Variants in ROBO2 observed in about 807,000 individuals in gnomAD.
ROBO2 encodes the protein roundabout guidance receptor 2, also known as roundabout homolog 2.
Under a neutral mutation model 160.8 loss-of-function variants are expected in ROBO2, and 53 were observed. The observed-to-expected ratio is 0.33, with a 90% confidence interval of 0.26 to 0.41. The LOEUF (loss-of-function observed/expected upper bound fraction) is 0.41. ROBO2 is among the 10% of genes least tolerant of loss of function. The pLI is 1.00. For synonymous variants in ROBO2, 664 were observed against 611.7 expected (o/e 1.09, Z -1.26); for missense variants, 1,577 against 1,722.4 (o/e 0.92, Z 1.49).
chr3:77,628,562 A>G (rs1243238569), intron 23 of ROBO2, among the ~76,000 whole-genome samples: 1 of 152,038 alleles, frequency 6.6e-6, no homozygotes, highest in African/African-American at 2.4e-5. Context: ...TGTTCAATAC[A>G]TTTTAGCCAT....
chr3:76,366,129 T>C (rs2075799663), intron 2 of ROBO2, among the ~76,000 whole-genome samples: 1 of 152,010 alleles, frequency 6.6e-6, no homozygotes, highest in African/African-American at 2.4e-5. Context: ...ACTATTTCCT[T>C]AGTAGAGAAT....
At chr3:76,564,223 G>C (rs1480892233) in intron 2 of ROBO2, among the ~76,000 whole-genome samples, 2 of 152,178 alleles carry the variant, frequency 1.3e-5, no homozygotes, top group African/African-American at 2.4e-5. Context: ...AAAATGAATA[G>C]AAGTGTGCTG....
At chr3:75,995,730 C>T (rs961659595) in intron 2 of ROBO2, among the ~76,000 whole-genome samples, 11 of 152,088 alleles carry the variant, frequency 7.2e-5, no homozygotes, top group African/African-American at 1.9e-4. Context: ...AGCCAGCCCA[C>T]AAAAGCAGTT....
intron 2 of ROBO2, among the ~76,000 whole-genome samples, chr3:76,334,161 C>G (rs6799570): frequency 0.75 from 113,194 of 151,724 alleles, 44,185 homozygotes; most frequent in Non-Finnish European, 0.87. Context: ...TATATATATA[C>G]ATATAAAAGA....
chr3:76,392,914 T>A (rs1325466630), intron 2 of ROBO2, among the ~76,000 whole-genome samples: 1 of 152,176 alleles, frequency 6.6e-6, no homozygotes, highest in East Asian at 1.9e-4. Flanking sequence ...CTAAACTGTC[T>A]AGAATAATTA....
intron 2 of ROBO2, among the ~76,000 whole-genome samples, chr3:76,470,387 G>T (rs1052134364): frequency 6.6e-6 from 1 of 152,074 alleles, no homozygotes; most frequent in Admixed American, 6.6e-5. Context: ...TCCTTTACAG[G>T]GTTGCAGTTA....
In ROBO2 at chr3:77,114,857, C is replaced by T. The variant is rs1579099436; in HGVS notation, c.388+16517C>T. 2.6e-5 allele frequency among the ~76,000 whole-genome samples: 4 copies of T among 152,160 alleles called. No individual in the cohort carries two copies. The South Asian group carries it at 8.3e-4, about 32-fold the overall frequency. ...AGGTGAAATGTATTTTATCTATTTA[C>T]CAAAACATTTTCACCCAAATAGCAT... is the stretch of plus-strand genomic sequence containing the variant. On this transcript the variant is annotated intron_variant, in intron 2 of 25. Coordinates refer to ENST00000461745, the Ensembl canonical transcript of ROBO2.
intron 2 of ROBO2, among the ~76,000 whole-genome samples, chr3:76,305,387 CAAAAAAAAAAAAAA>C (rs1166858558): frequency 2.6e-3 from 54 of 20,674 alleles, no homozygotes; most frequent in Admixed American, 3.2e-3. Context: ...CAAGATCTGT[CAAAAAAAAAAAAAA>C]AAAAAAAAAA....
intron 2 of ROBO2, among the ~76,000 whole-genome samples, chr3:77,103,052 A>G (rs2072228033): frequency 6.6e-6 from 1 of 152,046 alleles, no homozygotes; most frequent in South Asian, 2.1e-4. Flanking sequence ...GGTGCAGATA[A>G]AGTTTCCGTT....
At chr3:76,211,888 G>A (rs1703169648) in intron 2 of ROBO2, among the ~76,000 whole-genome samples, 1 of 151,758 alleles carries the variant, frequency 6.6e-6, no homozygotes, top group Non-Finnish European at 1.5e-5. Context: ...ATTTTGTCTG[G>A]TTAATAAAAG....
At chr3:76,779,807 C>T (rs1312122786) in intron 2 of ROBO2, among the ~76,000 whole-genome samples, 3 of 150,898 alleles carry the variant, frequency 2.0e-5, no homozygotes, top group Admixed American at 2.0e-4. Context: ...TATCAATGGA[C>T]ATTTAGTTTG....
intron 1 of ROBO2, among the ~76,000 whole-genome samples, chr3:75,914,540 T>G (rs1946728240): frequency 6.6e-6 from 1 of 152,156 alleles, no homozygotes; most frequent in South Asian, 2.1e-4. Flanking sequence ...AAAGTATAAT[T>G]TTTCTGGAGA....
intron 2 of ROBO2, among the ~76,000 whole-genome samples, chr3:76,263,751 T>C (rs71195258): frequency 0.025 from 3,819 of 152,288 alleles, 69 homozygotes; most frequent in Non-Finnish European, 0.037. Context: ...ATCATTCTAC[T>C]GTAAAGATAC....
At chr3:77,200,928 C>CAGTA (rs574721242) in intron 2 of ROBO2, among the ~76,000 whole-genome samples, 22 of 152,200 alleles carry the variant, frequency 1.4e-4, no homozygotes, top group South Asian at 6.3e-4. Context: ...CATAAGTACA[C>CAGTA]AGTAGCACAA....
At chr3:77,266,896 C>T (rs532688471) in intron 2 of ROBO2, among the ~76,000 whole-genome samples, 14 of 152,072 alleles carry the variant, frequency 9.2e-5, no homozygotes, top group Non-Finnish European at 8.8e-5. Flanking sequence ...CCAAAATATT[C>T]GATTTTGTGA....
At chr3:77,381,706 G>T (rs2073491374) in intron 2 of ROBO2, among the ~76,000 whole-genome samples, 1 of 152,090 alleles carries the variant, frequency 6.6e-6, no homozygotes, top group African/African-American at 2.4e-5. Context: ...TTCAGGCAAG[G>T]GTACTTGTGA....
At chr3:76,956,426 G>T (rs551623858) in intron 2 of ROBO2, among the ~76,000 whole-genome samples, 1 of 151,856 alleles carries the variant, frequency 6.6e-6, no homozygotes, top group Non-Finnish European at 1.5e-5. Context: ...GTGTGGTGGC[G>T]GACACCTGTA....
chr3:77,490,326 G>A (rs1251656446), intron 4 of ROBO2, among the ~76,000 whole-genome samples: 2 of 151,916 alleles, frequency 1.3e-5, no homozygotes, highest in Non-Finnish European at 2.9e-5. Context: ...TCCTGACCTC[G>A]TGATCTGCCC....
At chr3:76,141,093 G>T (rs543771710) in intron 2 of ROBO2, among the ~76,000 whole-genome samples, 78 of 14,566 alleles carry the variant, frequency 5.4e-3, no homozygotes, top group South Asian at 7.8e-3. Context: ...TATGTGCCTG[G>T]GTTTATAGGT....
Sources: allele counts gnomAD v4.1 joint callset (sites outside exome capture counted in the v4.1 genomes callset), GRCh38; gene constraint gnomAD v4.1.1; transcripts MANE v1.5; gene names NCBI Gene and HGNC (gene_info 2026-07-23, HGNC 2026-07-21).